C14orf39: variants seen among roughly 807,000 people sequenced by gnomAD.
The protein encoded by C14orf39 is chromosome 14 open reading frame 39.
Under a neutral mutation model 85.6 loss-of-function variants are expected in C14orf39, and 66 were observed. The ratio of observed to expected loss-of-function variants is 0.77; its 90% CI spans 0.63 to 0.95. The LOEUF is 0.95. C14orf39 is among the 40% of genes least tolerant of loss of function. The probability of loss-of-function intolerance (pLI) is 0.00; values close to 1 mark genes in which losing one functional copy is unlikely to be tolerated. For missense variants in C14orf39, 735 were observed against 663.9 expected (o/e 1.11, Z -1.18); for synonymous variants, 242 against 214.0 (o/e 1.13, Z -1.14).
intron 2 of C14orf39, among the ~76,000 whole-genome samples, chr14:60,497,087 C>G (rs1042160420): frequency 6.6e-6 from 1 of 152,232 alleles, no homozygotes; most frequent in Non-Finnish European, 1.5e-5. Flanking sequence ...CTACCTTCCT[C>G]TGCAATCCAT....
At chr14:60,475,491 CAT>C (rs1211793275) in intron 5 of C14orf39, among the ~76,000 whole-genome samples, 19 of 152,196 alleles carry the variant, frequency 1.2e-4, no homozygotes, top group South Asian at 4.1e-4. Flanking sequence ...ATGATTTTTA[CAT>C]GTTTAAATTA....
At chr14:60,450,117 A>G (rs2140050248) in intron 16 of C14orf39, among the ~76,000 whole-genome samples, 1 of 152,316 alleles carries the variant, frequency 6.6e-6, no homozygotes, top group Non-Finnish European at 1.5e-5. Flanking sequence ...GGCTATGGTA[A>G]AAGACCCCAT....
intron 10 of C14orf39, 83 bp from the exon 11 acceptor site, chr14:60,466,138 AT>A: frequency 1.8e-6 from 1 of 544,046 alleles, no homozygotes; most frequent in Non-Finnish European, 3.0e-6. Context: ...TAAACTTGTA[AT>A]TTAGAAAATC....
chr14:60,495,837 C>T, intron 2 of C14orf39: 1 of 295,592 alleles, frequency 3.4e-6, no homozygotes, highest in Non-Finnish European at 6.7e-6. Context: ...TGTTCCATGG[C>T]TTCCTTTTCC....
At chr14:60,475,693 C>T (rs973223680) in intron 5 of C14orf39, among the ~76,000 whole-genome samples, 2 of 152,078 alleles carry the variant, frequency 1.3e-5, no homozygotes, top group African/African-American at 2.4e-5. Flanking sequence ...AATATTAATA[C>T]TTACTATCTG....
chr14:60,444,314 C>T lies in C14orf39; in HGVS notation c.1504-2183G>A, dbSNP rs148142176. Among the ~76,000 whole-genome samples the T allele has an allele frequency of 3.5e-3, 531 of 152,132 alleles. 3 individuals carry two copies. Among genetic ancestry groups the T allele is most frequent in the African/African-American group, 0.012 (492 of 41,520 alleles). On this transcript the variant is annotated intron_variant, in intron 16 of 17. Transcript: ENST00000321731. The stretch of plus-strand genomic sequence containing the variant: ...CTAAAAACCTTGAAAAAAGGTTAGA[C>T]GAATGGCTAACTAGAATAAACAGCG...
intron 1 of C14orf39, among the ~76,000 whole-genome samples, chr14:60,501,270 C>T (rs1200873166): frequency 7.1e-6 from 1 of 140,630 alleles, no homozygotes; most frequent in Non-Finnish European, 1.5e-5. Flanking sequence ...TGTGCCACTG[C>T]ACTCCATCCT....
chr14:60,488,436 G>A (rs75000776), upstream of C14orf39, among the ~76,000 whole-genome samples: 1,595 of 152,156 alleles, frequency 0.01, 23 homozygotes, highest in African/African-American at 0.037. Flanking sequence ...TCACTCCAGT[G>A]AATTACAGTG....
intron 16 of C14orf39, among the ~76,000 whole-genome samples, chr14:60,444,311 A>G (rs1351219939): frequency 6.6e-6 from 1 of 152,202 alleles, no homozygotes; most frequent in Non-Finnish European, 1.5e-5. Context: ...AAAAAAGGTT[A>G]GACGAATGGC....
In C14orf39 at chr14:60,484,516, T is replaced by C. The variant is rs1364450474; in HGVS notation, c.106+365A>G. ...AATTATTATTCCTGAAAATGTGGCA[T>C]CTATCGATTTTGATCCCTGATTTCT... On this transcript the variant is annotated intron_variant, in intron 3 of 17. Coordinates refer to ENST00000321731, the MANE Select transcript of C14orf39 (RefSeq NM_174978.3). The surrounding 1 kb of genome is among the most constrained non-coding windows in gnomAD (Gnocchi z 4.2). 6.6e-6 allele frequency among the ~76,000 whole-genome samples: 1 copy of C among 152,176 alleles called. No individual in the cohort carries two copies. Among genetic ancestry groups the C allele is most frequent in the Non-Finnish European group, 1.5e-5 (1 of 68,022 alleles).
At chr14:60,501,369 C>G (rs893426893) in intron 1 of C14orf39, among the ~76,000 whole-genome samples, 2 of 147,362 alleles carry the variant, frequency 1.4e-5, no homozygotes, top group Non-Finnish European at 3.0e-5. Context: ...AAAGAGTTTT[C>G]ACATCCACAC....
intron 4 of C14orf39, among the ~76,000 whole-genome samples, chr14:60,480,836 G>A (rs1252297457): frequency 6.6e-6 from 1 of 151,486 alleles, no homozygotes; most frequent in Non-Finnish European, 1.5e-5. Flanking sequence ...GTTATGCTAA[G>A]TGAAATAAGC....
Position 60,466,979 on chromosome 14 carries a change from G to A in C14orf39, c.833C>T (p.Pro278Leu). ...TCTTACTAATTTCTGAGATTCATAA[G>A]GAAGAAATAATTGACTGCTTTGAGT... Reference protein sequence around the residue: ...NKTQSSQLFLPYESQKLVRPI... With the variant: ...NKTQSSQLFLLYESQKLVRPI... Residue 278 changes from proline to leucine, a missense_variant, in exon 10 of 18, where the codon CCT becomes CTT. Pro to Leu is a moderately conservative substitution (Grantham distance 98). Transcript: ENST00000321731. 2 of 1,460,264 alleles carry A rather than the reference G, an allele frequency of 1.4e-6. No individual in the cohort carries two copies. The highest frequency in any genetic ancestry group is 2.6e-5 in the East Asian group (1 of 38,240). The allele number at this position is 1,460,264 out of a possible 1,614,324, so 90.5% of individuals were successfully genotyped here. A position where few individuals can be genotyped will look rare whatever the true frequency, so the allele number is the denominator to read the frequency against.
chr14:60,465,277 C>T (rs1315361361), intron 11 of C14orf39, among the ~76,000 whole-genome samples: 1 of 152,168 alleles, frequency 6.6e-6, no homozygotes, highest in Admixed American at 6.5e-5. Context: ...AGTGGAAGAA[C>T]AATTATATTT....
chr14:60,441,432 T>A (rs1456016011), intron 17 of C14orf39, among the ~76,000 whole-genome samples: 1 of 152,194 alleles, frequency 6.6e-6, no homozygotes, highest in African/African-American at 2.4e-5. Flanking sequence ...TCTTATCTTG[T>A]ATCATTCTAC....
intron 11 of C14orf39, among the ~76,000 whole-genome samples, chr14:60,465,089 C>T (rs1442599073): frequency 6.6e-6 from 1 of 152,054 alleles, no homozygotes; most frequent in East Asian, 1.9e-4. Flanking sequence ...CATATCTTCT[C>T]CCTACCTCTA....
intron 1 of C14orf39, among the ~76,000 whole-genome samples, chr14:60,507,292 G>C (rs1044148316): frequency 6.6e-6 from 1 of 152,142 alleles, no homozygotes; most frequent in Non-Finnish European, 1.5e-5. Context: ...ATCCCTGCCC[G>C]GCCACCGAGG....
intron 1 of C14orf39, among the ~76,000 whole-genome samples, chr14:60,504,217 TAA>T (rs1161846570): frequency 1.3e-5 from 2 of 152,254 alleles, no homozygotes; most frequent in East Asian, 3.8e-4. Flanking sequence ...CAATATTTAA[TAA>T]GCACTTTTTG....
Position 60,471,742 on chromosome 14 carries a change from GTTAAAA to G in C14orf39, c.324-9_324-4del, listed in dbSNP as rs760366876. On this transcript the variant is annotated splice_polypyrimidine_tract_variant and splice_region_variant and intron_variant, in intron 5 of 17. Transcript: ENST00000321731. ...ATATATAATCATGATACATTTCTCT[GTTAAAA>G]TTAAAAGAAATGATGTTTATATAAC... 6.1e-6 allele frequency: 9 copies of G among 1,468,146 alleles called. No individual in the cohort carries two copies. In the African/African-American group the frequency reaches 7.2e-5, roughly 12 times the overall value. 90.9% of individuals were successfully genotyped at this position (1,468,146 alleles called of 1,614,324 possible). A position where few individuals can be genotyped will look rare whatever the true frequency, so the allele number is the denominator to read the frequency against.
Sources: allele counts gnomAD v4.1 joint callset (sites outside exome capture counted in the v4.1 genomes callset), GRCh38; gene constraint gnomAD v4.1.1; non-coding constraint Gnocchi (gnomAD v3.1); transcripts MANE v1.5; gene names NCBI Gene and HGNC (gene_info 2026-07-23, HGNC 2026-07-21).